GHR: variants seen among roughly 807,000 people sequenced by gnomAD.
The protein encoded by GHR is growth hormone receptor, also known as GH receptor.
Under a neutral mutation model 67.1 loss-of-function variants are expected in GHR, and 35 were observed. The ratio of observed to expected loss-of-function variants is 0.52; its 90% CI spans 0.40 to 0.69. GHR has a LOEUF of 0.69. GHR is among the 30% of genes least tolerant of loss of function. The pLI is 0.00. For missense variants in GHR, 792 were observed against 764.6 expected, an observed-to-expected ratio of 1.04 and a Z score of -0.42; for synonymous variants, 272 against 269.1, an observed-to-expected ratio of 1.01 and a Z score of -0.10.
intron 3 of GHR, among the ~76,000 whole-genome samples, chr5:42,640,323 C>T (rs531678767): frequency 6.6e-6 from 1 of 152,104 alleles, no homozygotes; most frequent in Non-Finnish European, 1.5e-5. Flanking sequence ...TTATCCATCT[C>T]GAAATGGAGA....
intron 3 of GHR, among the ~76,000 whole-genome samples, chr5:42,642,064 T>A (rs991339977): frequency 6.6e-6 from 1 of 152,032 alleles, no homozygotes; most frequent in Non-Finnish European, 1.5e-5. Flanking sequence ...TGTTTTCAGA[T>A]GAAAAGAATC....
chr5:42,666,081 A>G (rs533755756), intron 3 of GHR, among the ~76,000 whole-genome samples: 2 of 152,224 alleles, frequency 1.3e-5, no homozygotes, highest in Non-Finnish European at 2.9e-5. Flanking sequence ...ACCATGACAT[A>G]CAATTTGCCG....
rs145515691 is a variant in GHR, at chr5:42,548,583, GT to G, written c.-11-17271del. On this transcript the variant is annotated intron_variant, in intron 1 of 9. Coordinates refer to ENST00000230882, the MANE Select transcript of GHR (RefSeq NM_000163.5). ...TTTGATTAAAAGGCTGATAGTCAGG[GT>G]TTTTTTTTTCTTACTTTTGCATTTT... The G allele has an allele frequency of 4.6e-3, 3,285 of 720,718 alleles. 119 individuals carry two copies. In the East Asian group the frequency reaches 0.14, roughly 31 times the overall value. 44.6% of individuals were successfully genotyped at this position (720,718 alleles called of 1,614,324 possible).
intron 1 of GHR, among the ~76,000 whole-genome samples, chr5:42,534,459 TATATATGTA>T (rs1561102987): frequency 9.2e-5 from 13 of 141,880 alleles, no homozygotes; most frequent in Non-Finnish European, 1.7e-4. Flanking sequence ...TATATGTATG[TATATATGTA>T]CATATGTATA....
chr5:42,564,271 T>G (rs1288899953), intron 1 of GHR, among the ~76,000 whole-genome samples: 1 of 127,792 alleles, frequency 7.8e-6, no homozygotes, highest in Admixed American at 7.6e-5. Context: ...TCTCACAAAG[T>G]GTGAGATTTA....
chr5:42,524,091 G>A (rs999367000), intron 1 of GHR, among the ~76,000 whole-genome samples: 1 of 152,166 alleles, frequency 6.6e-6, no homozygotes, highest in Non-Finnish European at 1.5e-5. Context: ...CCAGTAGAGT[G>A]GGGTATTGCT....
chr5:42,543,830 A>G (rs1748619545), intron 1 of GHR, among the ~76,000 whole-genome samples: 1 of 152,106 alleles, frequency 6.6e-6, no homozygotes, highest in Non-Finnish European at 1.5e-5. Flanking sequence ...CTGGAATTCC[A>G]ATCATATGTG....
At chr5:42,445,454 C>A (rs13187542) in intron 1 of GHR, among the ~76,000 whole-genome samples, 26,824 of 152,162 alleles carry the variant, frequency 0.18, 2,670 homozygotes, top group Non-Finnish European at 0.21. Context: ...ACTCTGAGAT[C>A]ATCTGTAGCC....
intron 1 of GHR, among the ~76,000 whole-genome samples, chr5:42,527,631 T>G (rs1017132256): frequency 2.0e-5 from 3 of 152,190 alleles, no homozygotes; most frequent in Non-Finnish European, 4.4e-5. Flanking sequence ...AACACTCCAC[T>G]GACAGTATTA....
intron 4 of GHR, among the ~76,000 whole-genome samples, chr5:42,691,463 C>T (rs1057059743): frequency 6.6e-6 from 1 of 152,120 alleles, no homozygotes; most frequent in Non-Finnish European, 1.5e-5. Flanking sequence ...TTCTCATTGC[C>T]CACTTCACAG....
chr5:42,584,806 C>T (rs1751388383), intron 2 of GHR, among the ~76,000 whole-genome samples: 1 of 152,096 alleles, frequency 6.6e-6, no homozygotes, highest in Non-Finnish European at 1.5e-5. Context: ...CACACACACA[C>T]ACACACACAC....
At chr5:42,602,154 T>C (rs965108908) in intron 2 of GHR, among the ~76,000 whole-genome samples, 1 of 152,188 alleles carries the variant, frequency 6.6e-6, no homozygotes, top group Non-Finnish European at 1.5e-5. Context: ...CATAGTTATC[T>C]TTTGCGTGTA....
chr5:42,481,526 A>G (rs1384720014), intron 1 of GHR, among the ~76,000 whole-genome samples: 1 of 152,162 alleles, frequency 6.6e-6, no homozygotes, highest in African/African-American at 2.4e-5. Flanking sequence ...CAGGTACACC[A>G]ATCAGACGTA....
intron 1 of GHR, among the ~76,000 whole-genome samples, chr5:42,538,683 C>A (rs1748371297): frequency 6.6e-6 from 1 of 152,106 alleles, no homozygotes; most frequent in Non-Finnish European, 1.5e-5. Flanking sequence ...ATGAATTTCC[C>A]AGGTGTTCTT....
In GHR at chr5:42,718,322, T is replaced by C. The variant is rs1046282669; in HGVS notation, c.946-131T>C. 184 of 749,612 alleles carry C rather than the reference T, an allele frequency of 2.5e-4. No homozygotes were observed. In the African/African-American group the frequency reaches 3.6e-3, roughly 15 times the overall value. The allele number at this position is 749,612 out of a possible 1,614,324, so 46.4% of individuals were successfully genotyped here. ...GTATTTAAAAAGTTACACACTAATTTATGTTTTTTTATATGTTTTGTTACT... is the reference window on the plus strand; with the variant it reads ...GTATTTAAAAAGTTACACACTAATTCATGTTTTTTTATATGTTTTGTTACT... On this transcript the variant is annotated intron_variant, in intron 9 of 9. Coordinates refer to ENST00000230882, the MANE Select transcript of GHR (RefSeq NM_000163.5).
At chr5:42,566,601 G>A (rs1312373091) in intron 2 of GHR, among the ~76,000 whole-genome samples, 1 of 151,754 alleles carries the variant, frequency 6.6e-6, no homozygotes, top group Non-Finnish European at 1.5e-5. Context: ...ACAAGGAAGA[G>A]TAATAGAAGG....
At chr5:42,449,325 G>C (rs1743948282) in intron 1 of GHR, among the ~76,000 whole-genome samples, 1 of 152,124 alleles carries the variant, frequency 6.6e-6, no homozygotes, top group Non-Finnish European at 1.5e-5. Context: ...ATATTTTGTA[G>C]TTTTCCTTGT....
At chr5:42,614,270 G>A (rs571630910) in intron 2 of GHR, among the ~76,000 whole-genome samples, 8 of 152,106 alleles carry the variant, frequency 5.3e-5, no homozygotes, top group East Asian at 3.9e-4. Context: ...TTTTAAAAGC[G>A]TAACTTTCAT....
At chr5:42,539,309 A>G (rs1748397797) in intron 1 of GHR, among the ~76,000 whole-genome samples, 1 of 152,132 alleles carries the variant, frequency 6.6e-6, no homozygotes. Flanking sequence ...CTCATTTGGA[A>G]GCTCTGTCAG....
Sources: allele counts gnomAD v4.1 joint callset (sites outside exome capture counted in the v4.1 genomes callset), GRCh38; gene constraint gnomAD v4.1.1; transcripts MANE v1.5; gene names NCBI Gene and HGNC (gene_info 2026-07-23, HGNC 2026-07-21).